The following MAP2K6 variants were observed in gnomAD, a reference collection of about 807,000 sequenced individuals.
MAP2K6 encodes dual specificity mitogen-activated protein kinase kinase 6.
A neutral mutation model predicts 53.7 loss-of-function variants in MAP2K6; 16 were observed. The ratio of observed to expected loss-of-function variants is 0.30; its 90% CI spans 0.20 to 0.45. The LOEUF (loss-of-function observed/expected upper bound fraction) is 0.45, where lower values mean the gene tolerates loss of function less well. Ranked by LOEUF, MAP2K6 falls within the 20% of genes least tolerant of loss-of-function variation. The pLI is 1.00. For synonymous variants in MAP2K6, 132 were observed against 143.1 expected (o/e 0.92, Z 0.55); for missense variants, 204 against 411.9 (o/e 0.50, Z 4.37).
intron 1 of MAP2K6, among the ~76,000 whole-genome samples, chr17:69,469,144 T>C (rs1567829043): frequency 6.6e-6 from 1 of 152,208 alleles, no homozygotes; most frequent in East Asian, 1.9e-4. Context: ...TTGAGGACTG[T>C]CGCTAGGTTC....
At chr17:69,536,857 G>A (rs1911386176) in intron 11 of MAP2K6, among the ~76,000 whole-genome samples, 1 of 151,758 alleles carries the variant, frequency 6.6e-6, no homozygotes, top group South Asian at 2.1e-4. Flanking sequence ...GAGTTGGGCA[G>A]ATTGCTTGAG....
chr17:69,537,626 G>T (rs1407655161), intron 11 of MAP2K6, among the ~76,000 whole-genome samples: 1 of 152,214 alleles, frequency 6.6e-6, no homozygotes, highest in Non-Finnish European at 1.5e-5. Context: ...CAATCACATA[G>T]GTTTTCACTT....
At chr17:69,538,386 G>A (rs985408545) in intron 11 of MAP2K6, among the ~76,000 whole-genome samples, 25 of 152,140 alleles carry the variant, frequency 1.6e-4, no homozygotes, top group Non-Finnish European at 1.2e-4. Flanking sequence ...ATATATCAAT[G>A]TTATAAAATC....
Position 69,544,109 on chromosome 17 carries a change from T to A in MAP2K6, c.*2356T>A, listed in dbSNP as rs146968357. ...ACCTTCTAAAGAGAACTGACTTAAA[T>A]TTACTTTCTTTTGAACATTTGCAGG... On this transcript the variant is annotated 3_prime_UTR_variant, in exon 12 of 12. Coordinates refer to ENST00000590474, the MANE Select transcript of MAP2K6 (RefSeq NM_002758.4). 3 of 152,298 alleles carry A rather than the reference T, an allele frequency of 2.0e-5. No homozygotes were observed. In the East Asian group the frequency reaches 5.8e-4, roughly 29 times the overall value. The allele number at this position is 152,298 out of a possible 1,614,324, so 9.4% of individuals were successfully genotyped here. A position where few individuals can be genotyped will look rare whatever the true frequency, so the allele number is the denominator to read the frequency against.
chr17:69,439,813 A>G (rs1906760272), intron 1 of MAP2K6, among the ~76,000 whole-genome samples: 1 of 152,206 alleles, frequency 6.6e-6, no homozygotes, highest in Non-Finnish European at 1.5e-5. Flanking sequence ...TCTTCTAGCT[A>G]AAATAGCTAC....
intron 2 of MAP2K6, among the ~76,000 whole-genome samples, chr17:69,506,973 TC>T (rs1185992200): frequency 1.3e-5 from 2 of 152,062 alleles, no homozygotes; most frequent in East Asian, 3.9e-4. Context: ...TCTTTTTTTT[TC>T]GGTCTCTCTG....
Position 69,545,437 on chromosome 17 carries a change from A to G in MAP2K6, c.*3684A>G, listed in dbSNP as rs938220766. 1.3e-5 allele frequency: 2 copies of G among 152,258 alleles called. No homozygotes were observed. Among genetic ancestry groups the G allele is most frequent in the Admixed American group, 6.5e-5 (1 of 15,292 alleles). The allele number at this position is 152,258 out of a possible 1,614,324, so 9.4% of individuals were successfully genotyped here. A position where few individuals can be genotyped will look rare whatever the true frequency, so the allele number is the denominator to read the frequency against. ...CAAATGGGTTAAATAAGCAGCTTTT[A>G]TCACAGTTAAGCCATCTGAAATGGA... On this transcript the variant is annotated 3_prime_UTR_variant, in exon 12 of 12. Transcript: ENST00000590474.
Position 69,535,975 on chromosome 17 carries a change from A to C in MAP2K6, c.882-140A>C, listed in dbSNP as rs932032792. 4 of 628,224 alleles carry C rather than the reference A, an allele frequency of 6.4e-6. No homozygotes were observed. In the South Asian group the frequency reaches 6.7e-5, roughly 11 times the overall value. The allele number at this position is 628,224 out of a possible 1,614,324, so 38.9% of individuals were successfully genotyped here. A position where few individuals can be genotyped will look rare whatever the true frequency, so the allele number is the denominator to read the frequency against. Reference sequence around the variant, plus strand: ...ACATGATACATAAGTGTTACAGAAGAGGAAAGTCAAGATAGGAGGCTGTGT... The same window carrying C: ...ACATGATACATAAGTGTTACAGAAGCGGAAAGTCAAGATAGGAGGCTGTGT... On this transcript the variant is annotated intron_variant, in intron 10 of 11. Transcript: ENST00000590474.
At chr17:69,524,436 G>A (rs1411718568) in intron 8 of MAP2K6, among the ~76,000 whole-genome samples, 3 of 150,360 alleles carry the variant, frequency 2.0e-5, no homozygotes, top group Non-Finnish European at 4.4e-5. Flanking sequence ...CTGGAGGAAC[G>A]GCCACTAGAT....
rs548338475 is a variant in MAP2K6, at chr17:69,523,505, C to G, written c.536-9C>G. ...GAAATGATGGCATCCTGGTTGTTTT[C>G]GCTTTCAGACGTCAAGCCTTCTAAT... is the stretch of plus-strand genomic sequence containing the variant. On this transcript the variant is annotated splice_polypyrimidine_tract_variant and intron_variant, in intron 7 of 11. Coordinates refer to ENST00000590474, the MANE Select transcript of MAP2K6 (RefSeq NM_002758.4). 1.4e-5 allele frequency: 22 copies of G among 1,612,954 alleles called. No homozygotes were observed. In the South Asian group the frequency reaches 1.5e-4, roughly 11 times the overall value.
At chr17:69,466,955 A>G (rs752697379) in intron 1 of MAP2K6, among the ~76,000 whole-genome samples, 1 of 152,222 alleles carries the variant, frequency 6.6e-6, no homozygotes, top group Non-Finnish European at 1.5e-5. Flanking sequence ...CTTTTGATGT[A>G]CCATCTGTTT....
chr17:69,448,949 T>C (rs948015953), intron 1 of MAP2K6, among the ~76,000 whole-genome samples: 3 of 152,230 alleles, frequency 2.0e-5, no homozygotes, highest in Non-Finnish European at 2.9e-5. Flanking sequence ...TTGCAGGTGA[T>C]CAGCCATGTG....
At chr17:69,495,928 C>T (rs748370576) in intron 1 of MAP2K6, among the ~76,000 whole-genome samples, 50 of 152,126 alleles carry the variant, frequency 3.3e-4, no homozygotes, top group Non-Finnish European at 6.5e-4. Flanking sequence ...GGAGATGAAC[C>T]GAGACAGTAG....
chr17:69,501,712 T>C (rs1338543729), intron 1 of MAP2K6: 1 of 152,148 alleles, frequency 6.6e-6, no homozygotes, highest in Admixed American at 6.5e-5. Context: ...TTGCAGACTG[T>C]GCCAATAAGC....
intron 1 of MAP2K6, among the ~76,000 whole-genome samples, chr17:69,417,025 C>G (rs540997995): frequency 6.6e-6 from 1 of 152,304 alleles, no homozygotes; most frequent in Non-Finnish European, 1.5e-5. Flanking sequence ...GGTGGTCCTT[C>G]AAATCAATTC....
At chr17:69,492,985 A>AT (rs142209266) in intron 1 of MAP2K6, among the ~76,000 whole-genome samples, 37 of 151,528 alleles carry the variant, frequency 2.4e-4, no homozygotes, top group African/African-American at 7.3e-4. Context: ...AGCCAGCATC[A>AT]TTTTTTTTTA....
chr17:69,463,113 T>G (rs1907676416), intron 1 of MAP2K6, among the ~76,000 whole-genome samples: 1 of 151,854 alleles, frequency 6.6e-6, no homozygotes, highest in Non-Finnish European at 1.5e-5. Context: ...CCGGGACACC[T>G]CCATGAGACA....
intron 1 of MAP2K6, among the ~76,000 whole-genome samples, chr17:69,418,820 T>G (rs1170760617): frequency 6.6e-6 from 1 of 152,168 alleles, no homozygotes; most frequent in Non-Finnish European, 1.5e-5. Context: ...GAATGTCCAG[T>G]TCTTCTTCAC....
At chr17:69,450,740 A>G (rs115200669) in intron 1 of MAP2K6, among the ~76,000 whole-genome samples, 47 of 151,690 alleles carry the variant, frequency 3.1e-4, no homozygotes, top group Non-Finnish European at 5.9e-4. Flanking sequence ...AACACATCTC[A>G]TGAGTATACT....
Sources: gnomAD v4.1 joint callset for allele counts (sites outside exome capture counted in the v4.1 genomes callset) on GRCh38, gnomAD v4.1.1 for gene constraint, MANE v1.5 for transcripts, NCBI Gene and HGNC (gene_info 2026-07-23, HGNC 2026-07-21) for gene names.